EXT1: variants seen among roughly 807,000 people sequenced by gnomAD.
The protein encoded by EXT1 is exostosin glycosyltransferase 1.
EXT1 carries 20 observed loss-of-function variants against 82.5 expected under a neutral mutation model. That is an observed-to-expected ratio of 0.24 (90% CI 0.17 to 0.35). The LOEUF is 0.35. Among genes scored for constraint, EXT1 ranks in the 10% least tolerant of loss-of-function variants. The probability of loss-of-function intolerance (pLI) is 1.00; values close to 1 mark genes in which losing one functional copy is unlikely to be tolerated. For missense variants in EXT1, 757 were observed against 936.5 expected (o/e 0.81, Z 2.50); for synonymous variants, 348 against 350.8 (o/e 0.99, Z 0.09).
rs17480277 is a variant in EXT1 at position 118,058,064 on chromosome 8, C to T, written c.962+52021G>A. 1.9e-3 allele frequency among the ~76,000 whole-genome samples: 294 copies of T among 151,914 alleles called. 3 individuals are homozygous for T. In the East Asian group the frequency reaches 0.041, roughly 21 times the overall value. On this transcript the variant is annotated intron_variant, in intron 1 of 10. Coordinates refer to ENST00000378204, the MANE Select transcript of EXT1 (RefSeq NM_000127.3). The stretch of plus-strand genomic sequence containing the variant: ...TGTCACTACCTGGGATGTTTAGTGG[C>T]TTCAGGAGTATATTCCCAAATGACA...
chr8:118,046,930 T>G (rs1352217117), intron 1 of EXT1, among the ~76,000 whole-genome samples: 1 of 152,168 alleles, frequency 6.6e-6, no homozygotes, highest in Non-Finnish European at 1.5e-5. Context: ...GAAAATAATT[T>G]TGAAGAAACA....
intron 3 of EXT1, among the ~76,000 whole-genome samples, chr8:117,834,972 A>T (rs1812164533): frequency 6.6e-6 from 1 of 152,190 alleles, no homozygotes; most frequent in Non-Finnish European, 1.5e-5. Flanking sequence ...TTAAATATAA[A>T]TCCTAAAGAT....
chr8:117,964,949 T>C (rs1305658558), intron 1 of EXT1, among the ~76,000 whole-genome samples: 2 of 152,160 alleles, frequency 1.3e-5, no homozygotes, highest in Admixed American at 1.3e-4. Flanking sequence ...GAAATCTTTG[T>C]TTTACTCACT....
chr8:118,104,265 C>T (rs147184716), intron 1 of EXT1, among the ~76,000 whole-genome samples: 362 of 152,262 alleles, frequency 2.4e-3, no homozygotes, highest in Non-Finnish European at 3.4e-3. Flanking sequence ...ATTACAGGAG[C>T]CTGGTCAAGG....
intron 1 of EXT1, among the ~76,000 whole-genome samples, chr8:117,953,384 C>T (rs1814526660): frequency 6.6e-6 from 1 of 151,988 alleles, no homozygotes; most frequent in Non-Finnish European, 1.5e-5. Flanking sequence ...GAGAAATGAT[C>T]ATTCTGCTCC....
intron 1 of EXT1, among the ~76,000 whole-genome samples, chr8:118,058,306 T>C (rs772789188): frequency 3.9e-5 from 6 of 152,186 alleles, no homozygotes; most frequent in Non-Finnish European, 8.8e-5. Context: ...GAAGTAGAAG[T>C]AGCCAATACC....
At position 118,111,663 on chromosome 8, in the gene EXT1, G is replaced by A. The variant is rs1363737093; in HGVS notation, c.-617C>T. 1 of 365,776 alleles carries A rather than the reference G, an allele frequency of 2.7e-6. No individual in the cohort carries two copies. Among genetic ancestry groups the A allele is most frequent in the African/African-American group, 2.1e-5 (1 of 47,564 alleles). 22.7% of individuals were successfully genotyped at this position (365,776 alleles called of 1,614,324 possible). Reference sequence around the variant, plus strand: ...GCGGTGTTTACTCCTGCGCTCGCGGGGCCGGCCCCCGGGACGCGCGGCGGC... The same window carrying A: ...GCGGTGTTTACTCCTGCGCTCGCGGAGCCGGCCCCCGGGACGCGCGGCGGC... On this transcript the variant is annotated 5_prime_UTR_variant, in exon 1 of 11. Coordinates refer to ENST00000378204, the MANE Select transcript of EXT1 (RefSeq NM_000127.3).
At chr8:118,067,888 T>C (rs1005196272) in intron 1 of EXT1, among the ~76,000 whole-genome samples, 1 of 152,216 alleles carries the variant, frequency 6.6e-6, no homozygotes, top group African/African-American at 2.4e-5. Context: ...TAAAGGGAAA[T>C]AAATCATTTA....
chr8:118,011,528 T>A (rs952385869), intron 1 of EXT1, among the ~76,000 whole-genome samples: 3 of 152,252 alleles, frequency 2.0e-5, no homozygotes, highest in Non-Finnish European at 4.4e-5. Flanking sequence ...TGGCATTTTA[T>A]ACATAATAGT....
intron 1 of EXT1, among the ~76,000 whole-genome samples, chr8:118,038,904 A>C (rs1488598082): frequency 6.6e-6 from 1 of 152,154 alleles, no homozygotes; most frequent in Non-Finnish European, 1.5e-5. Context: ...AACATCTCAC[A>C]ATGTCTGTTC....
At chr8:117,917,603 TTCACC>T (rs1408214378) in intron 1 of EXT1, among the ~76,000 whole-genome samples, 45 of 152,362 alleles carry the variant, frequency 3.0e-4, no homozygotes, top group African/African-American at 1.1e-3. Flanking sequence ...AGCGAATGGT[TTCACC>T]TCAAAGATGC....
chr8:117,826,435 T>C (rs1177168693), intron 4 of EXT1, among the ~76,000 whole-genome samples: 1 of 152,228 alleles, frequency 6.6e-6, no homozygotes, highest in Non-Finnish European at 1.5e-5. Context: ...TGTGAGTAAC[T>C]ATGAATTATT....
At chr8:117,855,018 T>A (rs1227189850) in intron 1 of EXT1, among the ~76,000 whole-genome samples, 1 of 152,218 alleles carries the variant, frequency 6.6e-6, no homozygotes, top group African/African-American at 2.4e-5. Context: ...AACCTTAAAA[T>A]GCAGAACTTA....
At chr8:118,109,976 G>A in intron 1 of EXT1, 109 bp downstream of exon 1, 2 of 1,556,948 alleles carry the variant, frequency 1.3e-6, no homozygotes, top group Non-Finnish European at 1.8e-6. Context: ...AAAGGGGAAA[G>A]AGGACTGAGG....
At chr8:117,888,083 T>G (rs1813179049) in intron 1 of EXT1, among the ~76,000 whole-genome samples, 2 of 150,794 alleles carry the variant, frequency 1.3e-5, no homozygotes, top group African/African-American at 4.9e-5. Context: ...AAACTCCATC[T>G]CAAAAATAAT....
intron 1 of EXT1, among the ~76,000 whole-genome samples, chr8:118,001,443 C>T (rs1198722318): frequency 1.3e-5 from 2 of 152,020 alleles, no homozygotes; most frequent in Non-Finnish European, 2.9e-5. Flanking sequence ...CCTCAGCTTC[C>T]CAAAGTGCTG....
intron 1 of EXT1, among the ~76,000 whole-genome samples, chr8:118,049,330 C>T (rs1186108728): frequency 6.6e-6 from 1 of 152,156 alleles, no homozygotes; most frequent in Non-Finnish European, 1.5e-5. Flanking sequence ...ATATTAGTAA[C>T]CTAAATGTAA....
At chr8:117,844,132 A>AATTATTATTATT (rs1184849304) in intron 1 of EXT1, among the ~76,000 whole-genome samples, 4 of 57,444 alleles carry the variant, frequency 7.0e-5, no homozygotes, top group African/African-American at 2.1e-4. Context: ...TTAAAATTTC[A>AATTATTATTATT]ATTACTATTA....
intron 1 of EXT1, among the ~76,000 whole-genome samples, chr8:118,092,333 CA>C (rs1164898401): frequency 6.6e-6 from 1 of 152,110 alleles, no homozygotes; most frequent in African/African-American, 2.4e-5. Flanking sequence ...GAGGAGGCTA[CA>C]AAAAGTTAAT....
Sources: allele counts gnomAD v4.1 joint callset (sites outside exome capture counted in the v4.1 genomes callset), GRCh38; gene constraint gnomAD v4.1.1; transcripts MANE v1.5; gene names NCBI Gene and HGNC (gene_info 2026-07-23, HGNC 2026-07-21).